The following EIF4G3 variants were observed in gnomAD, a reference collection of about 807,000 sequenced individuals.
The protein encoded by EIF4G3 is eIF-4-gamma 3.
Under a neutral mutation model 186.4 loss-of-function variants are expected in EIF4G3, and 34 were observed. The observed-to-expected ratio is 0.18, with a 90% CI of 0.14 to 0.24. EIF4G3 has a LOEUF of 0.24. Among genes scored for constraint, EIF4G3 ranks in the 10% least tolerant of loss-of-function variants. The pLI is 1.00. For missense variants in EIF4G3, 1,536 were observed against 1,948.5 expected, an observed-to-expected ratio of 0.79 and a Z score of 3.99; for synonymous variants, 673 against 679.5, an observed-to-expected ratio of 0.99 and a Z score of 0.15.
At chr1:20,889,520 G>A (rs556362610) in intron 18 of EIF4G3, among the ~76,000 whole-genome samples, 2 of 152,108 alleles carry the variant, frequency 1.3e-5, no homozygotes, top group East Asian at 1.9e-4. Flanking sequence ...TTTTTGAGAC[G>A]GAGTCTTGCT....
chr1:21,114,786 A>T (rs1038300419), intron 2 of EIF4G3, among the ~76,000 whole-genome samples: 2 of 152,224 alleles, frequency 1.3e-5, no homozygotes, highest in African/African-American at 4.8e-5. Flanking sequence ...GTTTGTTTTC[A>T]ATGTGCATGT....
chr1:21,061,888 C>T (rs1265604761), intron 3 of EIF4G3, among the ~76,000 whole-genome samples: 1 of 151,864 alleles, frequency 6.6e-6, no homozygotes, highest in African/African-American at 2.4e-5. Context: ...GCTGGGACTA[C>T]AGGCACATGC....
At chr1:21,057,365 C>T (rs2094606554) in intron 3 of EIF4G3, among the ~76,000 whole-genome samples, 1 of 151,994 alleles carries the variant, frequency 6.6e-6, no homozygotes, top group Admixed American at 6.6e-5. Context: ...TTAGATGACC[C>T]TCACAAATGG....
chr1:20,882,176 TACACACACACACACAC>T (rs138208807), intron 19 of EIF4G3, among the ~76,000 whole-genome samples: 4 of 86,956 alleles, frequency 4.6e-5, no homozygotes, highest in Non-Finnish European at 1.1e-4. Context: ...AAAGAAAAAT[TACACACACACACACAC>T]ACACACACAC....
intron 15 of EIF4G3, among the ~76,000 whole-genome samples, chr1:20,903,105 A>G (rs1031918030): frequency 6.6e-5 from 10 of 152,264 alleles, no homozygotes; most frequent in Non-Finnish European, 1.0e-4. Flanking sequence ...GGTAAGGATG[A>G]TATTTATATT....
chr1:20,938,028 G>C (rs1213981905), intron 14 of EIF4G3, among the ~76,000 whole-genome samples: 5 of 151,196 alleles, frequency 3.3e-5, no homozygotes, highest in Admixed American at 3.3e-4. Flanking sequence ...ATGGGGTCTT[G>C]CTCAGTTGCC....
At chr1:20,923,264 AG>A (rs2154560166) in intron 14 of EIF4G3, among the ~76,000 whole-genome samples, 1 of 152,310 alleles carries the variant, frequency 6.6e-6, no homozygotes, top group East Asian at 1.9e-4. Context: ...AAAATGGCAA[AG>A]TGACACTAAG....
chr1:21,165,401 T>C (rs541413080), intron 2 of EIF4G3, among the ~76,000 whole-genome samples: 1 of 152,302 alleles, frequency 6.6e-6, no homozygotes, highest in African/African-American at 2.4e-5. Context: ...AGCAACATCA[T>C]TCAGAGCCAG....
At chr1:20,827,051 T>C (rs1024210501) in intron 32 of EIF4G3, among the ~76,000 whole-genome samples, 8 of 152,186 alleles carry the variant, frequency 5.3e-5, no homozygotes, top group Non-Finnish European at 8.8e-5. Context: ...TCCAATATCT[T>C]TGAGTCAGGC....
At chr1:21,131,754 C>T (rs2097158434) in intron 2 of EIF4G3, among the ~76,000 whole-genome samples, 1 of 152,114 alleles carries the variant, frequency 6.6e-6, no homozygotes, top group African/African-American at 2.4e-5. Context: ...TGGAGGATAG[C>T]TTGAGCCGAG....
chr1:20,868,551 C>G (rs1239637224), intron 20 of EIF4G3, among the ~76,000 whole-genome samples: 2 of 152,022 alleles, frequency 1.3e-5, no homozygotes, highest in African/African-American at 4.8e-5. Flanking sequence ...GTCAGGGCTT[C>G]AAACTATGAT....
chr1:21,131,404 G>A (rs2097151862), intron 2 of EIF4G3, among the ~76,000 whole-genome samples: 1 of 117,388 alleles, frequency 8.5e-6, no homozygotes, highest in Non-Finnish European at 1.8e-5. Context: ...GAAGAAAAAA[G>A]AGACTAAAAA....
At chr1:20,830,280 T>A (rs1349164994) in intron 30 of EIF4G3, among the ~76,000 whole-genome samples, 1 of 152,188 alleles carries the variant, frequency 6.6e-6, no homozygotes, top group African/African-American at 2.4e-5. Flanking sequence ...TAAAAAGAGC[T>A]ACCACCATAG....
intron 14 of EIF4G3, among the ~76,000 whole-genome samples, chr1:20,938,939 T>C (rs1161561556): frequency 6.6e-6 from 1 of 151,632 alleles, no homozygotes; most frequent in Non-Finnish European, 1.5e-5. Context: ...AAACCCCGTC[T>C]CTACTAAAAA....
At chr1:20,907,489 C>T (rs2092412956) in intron 14 of EIF4G3, among the ~76,000 whole-genome samples, 1 of 151,704 alleles carries the variant, frequency 6.6e-6, no homozygotes, top group Non-Finnish European at 1.5e-5. Flanking sequence ...GTGCTGCACC[C>T]ATTAACTCGT....
chr1:21,039,848 G>T (rs1276141817), intron 4 of EIF4G3, among the ~76,000 whole-genome samples: 1 of 152,088 alleles, frequency 6.6e-6, no homozygotes, highest in Non-Finnish European at 1.5e-5. Flanking sequence ...AATGGGCAAA[G>T]GGCTTTGAAT....
At position 20,941,922 on chromosome 1, in the gene EIF4G3, A is replaced by T. The variant is rs1178749997; in HGVS notation, c.1232T>A (p.Leu411Gln). 6.2e-7 allele frequency: 1 copy of T among 1,614,176 alleles called. No individual in the cohort carries two copies. The highest frequency in any genetic ancestry group is 1.7e-5 in the Admixed American group (1 of 60,018). ...GCTAACTCCATTTATTTCATTAATT[A>T]GGTTAGTACTAGAAACCAGTGGAAT... ...NDIPLVSSTN[L>Q]INEINGVSEK... is the part of the protein sequence containing the mutation. Residue 411 changes from leucine (L) to glutamine (Q), a missense_variant, in exon 14 of 37, where the codon CTA becomes CAA. Physicochemically the swap from Leu to Gln is moderately radical, Grantham distance 113. This residue lies in a region of EIF4G3 where 560 missense variants were observed against 547.8 expected (regional missense o/e 1.02). Transcript: ENST00000602326.
chr1:21,074,527 GA>G (rs887822941), intron 3 of EIF4G3, among the ~76,000 whole-genome samples: 32 of 151,886 alleles, frequency 2.1e-4, no homozygotes, highest in African/African-American at 6.5e-4. Flanking sequence ...TGCTACTGGA[GA>G]AAAAAATAAT....
intron 33 of EIF4G3, among the ~76,000 whole-genome samples, chr1:20,823,434 T>C (rs907514071): frequency 6.6e-6 from 1 of 152,094 alleles, no homozygotes; most frequent in African/African-American, 2.4e-5. Context: ...CAGGTTGGAG[T>C]GCAGTGGTGT....
Sources: allele counts gnomAD v4.1 joint callset (sites outside exome capture counted in the v4.1 genomes callset), GRCh38; gene constraint gnomAD v4.1.1; regional missense constraint gnomAD v4.1.1; transcripts MANE v1.5; gene names NCBI Gene and HGNC (gene_info 2026-07-23, HGNC 2026-07-21).